SLC12A1: variants seen among roughly 807,000 people sequenced by gnomAD.
SLC12A1 encodes the protein Na-K-2Cl cotransporter.
SLC12A1 carries 89 observed loss-of-function variants against 130.4 expected under a neutral mutation model. The ratio of observed to expected loss-of-function variants is 0.68; its 90% CI spans 0.58 to 0.81. The LOEUF is 0.81. SLC12A1 is among the 40% of genes least tolerant of loss of function. SLC12A1 has a pLI of 0.00. For missense variants in SLC12A1, 1,310 were observed against 1,336.4 expected (o/e 0.98, Z 0.31); for synonymous variants, 499 against 460.0 (o/e 1.08, Z -1.09).
intron 3 of SLC12A1, 56 bp from the exon 4 acceptor site, chr15:48,220,865 G>A: frequency 6.2e-7 from 1 of 1,610,800 alleles, no homozygotes; most frequent in Non-Finnish European, 8.5e-7. Context: ...AAGAGCCCCG[G>A]GTTTTGTCCC....
rs374926342 is a variant in SLC12A1 at position 48,271,633 on chromosome 15, C to T, written c.2402+1869C>T. Among the ~76,000 whole-genome samples, 4 of 152,252 alleles carry T rather than the reference C, an allele frequency of 2.6e-5. No individual in the cohort carries two copies. In the East Asian group the frequency reaches 5.8e-4, roughly 22 times the overall value. ...GCATTACTGAACAAACAGAAATTCA[C>T]TCAACAGTCTTTCTAATGTGAGGAA... On this transcript the variant is annotated intron_variant, in intron 19 of 26. Coordinates refer to ENST00000380993, the MANE Select transcript of SLC12A1 (RefSeq NM_000338.3).
chr15:48,237,864 G>A (rs973141748), intron 9 of SLC12A1, among the ~76,000 whole-genome samples: 15 of 152,112 alleles, frequency 9.9e-5, no homozygotes, highest in African/African-American at 3.6e-4. Flanking sequence ...TGGTTTGGAA[G>A]GTGGGAAAAT....
chr15:48,218,149 C>T (rs2041149157), intron 2 of SLC12A1, among the ~76,000 whole-genome samples: 1 of 152,058 alleles, frequency 6.6e-6, no homozygotes, highest in African/African-American at 2.4e-5. Flanking sequence ...ACATGCCAAG[C>T]CTTTGGCTGG....
Position 48,303,018 on chromosome 15 carries a change from A to G in SLC12A1, c.*133A>G, listed in dbSNP as rs1462813264. 4 of 628,754 alleles carry G rather than the reference A, an allele frequency of 6.4e-6. No individual in the cohort carries two copies. The highest frequency in any genetic ancestry group is 6.9e-5 in the South Asian group (2 of 28,946). The allele number at this position is 628,754 out of a possible 1,614,324, so 38.9% of individuals were successfully genotyped here. On this transcript the variant is annotated 3_prime_UTR_variant, in exon 27 of 27. Transcript: ENST00000380993. ...GAGGATCCTACCAGATTCTACATAC[A>G]TTGCATAATTTTTATCAGTTAATGC... is the stretch of plus-strand genomic sequence containing the variant.
At chr15:48,239,775 C>T (rs1376356805) in intron 9 of SLC12A1, among the ~76,000 whole-genome samples, 2 of 151,084 alleles carry the variant, frequency 1.3e-5, no homozygotes, top group African/African-American at 2.4e-5. Flanking sequence ...CTCAGTCTCC[C>T]GAGCAGCTGG....
At position 48,303,185 on chromosome 15, in the gene SLC12A1, T is replaced by C. The variant is rs78562329; in HGVS notation, c.*300T>C. On this transcript the variant is annotated 3_prime_UTR_variant, in exon 27 of 27. Transcript: ENST00000380993. ...ATGCTCATGAAAACCACCAATGTGATTGTAAACTTCTCCAGACAAACTTAA... is the reference window on the plus strand; with the variant it reads ...ATGCTCATGAAAACCACCAATGTGACTGTAAACTTCTCCAGACAAACTTAA... The C allele has an allele frequency of 0.017, 3,531 of 207,284 alleles. 110 individuals carry two copies. Among genetic ancestry groups the C allele is most frequent in the East Asian group, 0.079 (702 of 8,930 alleles). The allele number at this position is 207,284 out of a possible 1,614,324, so 12.8% of individuals were successfully genotyped here. A position where few individuals can be genotyped will look rare whatever the true frequency, so the allele number is the denominator to read the frequency against.
chr15:48,290,090 T>G (rs1372569033), intron 23 of SLC12A1, among the ~76,000 whole-genome samples: 1 of 152,248 alleles, frequency 6.6e-6, no homozygotes, highest in Non-Finnish European at 1.5e-5. Flanking sequence ...GTTTTCTTTA[T>G]ATCCTTATTC....
intron 10 of SLC12A1, among the ~76,000 whole-genome samples, chr15:48,242,684 C>T (rs1393924118): frequency 6.6e-6 from 1 of 152,064 alleles, no homozygotes; most frequent in African/African-American, 2.4e-5. Context: ...CACCTATGAT[C>T]CCAGCGACTT....
rs1265093301 is a variant in SLC12A1, at chr15:48,278,097, AT to A, written c.2485+3445del. Among the ~76,000 whole-genome samples the A allele has an allele frequency of 2.0e-5, 3 of 152,204 alleles. No homozygotes were observed. The East Asian group carries it at 5.8e-4, about 29-fold the overall frequency. ...CTCAGTGAGTATTCACTATTAATGT[AT>A]ATTCCCTCCTAGTAGAACTTAATAC... is the stretch of plus-strand genomic sequence containing the variant. On this transcript the variant is annotated intron_variant, in intron 20 of 26. Transcript: ENST00000380993.
chr15:48,229,355 G>T (rs199753864), intron 6 of SLC12A1, 27 bp downstream of exon 6: 2 of 1,566,010 alleles, frequency 1.3e-6, no homozygotes, highest in East Asian at 2.3e-5. Flanking sequence ...CTTTTTTTCT[G>T]CCAAGCAGCA....
chr15:48,279,357 A>G (rs1336198934), intron 20 of SLC12A1, among the ~76,000 whole-genome samples: 2 of 152,210 alleles, frequency 1.3e-5, no homozygotes, highest in African/African-American at 4.8e-5. Flanking sequence ...CAGTGTCATC[A>G]CAGATTATAA....
At chr15:48,297,376 C>T (rs979070880) in intron 24 of SLC12A1, among the ~76,000 whole-genome samples, 4 of 152,264 alleles carry the variant, frequency 2.6e-5, no homozygotes, top group African/African-American at 9.6e-5. Context: ...GTGTTATGTG[C>T]CCACCTGGCC....
chr15:48,261,562 C>T (rs997434694), intron 17 of SLC12A1, among the ~76,000 whole-genome samples: 7 of 152,180 alleles, frequency 4.6e-5, no homozygotes, highest in Non-Finnish European at 7.3e-5. Flanking sequence ...TTTGTATGAG[C>T]TCCTGGGGCT....
chr15:48,301,241 A>C (rs940336653), intron 25 of SLC12A1, 74 bp from the exon 26 acceptor site: 1 of 1,013,418 alleles, frequency 9.9e-7, no homozygotes, highest in East Asian at 2.6e-5. Flanking sequence ...CTGCTTGTTC[A>C]TGATTTAAGA....
At chr15:48,225,814 C>A in intron 4 of SLC12A1, 1 of 667,144 alleles carries the variant, frequency 1.5e-6, no homozygotes, top group Non-Finnish European at 1.9e-6. Context: ...TGAATTCTTC[C>A]ACCATTTAAT....
Position 48,267,521 on chromosome 15 carries a change from A to G in SLC12A1, c.2155-40A>G, listed in dbSNP as rs780632386. ...AGAAAACAACAGCAATGTGATATAT[A>G]ATAGCAGGGTTCTAACCAATATTTC... On this transcript the variant is annotated intron_variant, in intron 17 of 26. Coordinates refer to ENST00000380993, the MANE Select transcript of SLC12A1 (RefSeq NM_000338.3). 14 of 1,609,538 alleles carry G rather than the reference A, an allele frequency of 8.7e-6. No individual in the cohort carries two copies. The South Asian group carries it at 1.4e-4, about 16-fold the overall frequency.
intron 7 of SLC12A1, among the ~76,000 whole-genome samples, chr15:48,231,832 A>G (rs2041383314): frequency 6.6e-6 from 1 of 152,154 alleles, no homozygotes; most frequent in Non-Finnish European, 1.5e-5. Flanking sequence ...CCTGGCCAAC[A>G]TGGTCAAACC....
intron 20 of SLC12A1, among the ~76,000 whole-genome samples, chr15:48,282,870 G>A (rs1354310053): frequency 6.6e-6 from 1 of 152,162 alleles, no homozygotes; most frequent in African/African-American, 2.4e-5. Flanking sequence ...ACAGGAGGAA[G>A]GTCTTCATGG....
At chr15:48,238,641 C>G (rs1219246723) in intron 9 of SLC12A1, among the ~76,000 whole-genome samples, 1 of 152,066 alleles carries the variant, frequency 6.6e-6, no homozygotes, top group Non-Finnish European at 1.5e-5. Flanking sequence ...GAGGAAACTT[C>G]AGTACTTGTA....
Sources: allele counts gnomAD v4.1 joint callset (sites outside exome capture counted in the v4.1 genomes callset), GRCh38; gene constraint gnomAD v4.1.1; transcripts MANE v1.5; gene names NCBI Gene and HGNC (gene_info 2026-07-23, HGNC 2026-07-21).